STK3: variants seen among roughly 807,000 people sequenced by gnomAD.
STK3 encodes the protein serine/threonine kinase 3.
STK3 carries 41 observed loss-of-function variants against 58.0 expected under a neutral mutation model. The observed-to-expected ratio is 0.71, with a 90% CI of 0.55 to 0.92. STK3 has a LOEUF of 0.92. Ranked by LOEUF, STK3 falls within the 40% of genes least tolerant of loss-of-function variation. The pLI, the probability that STK3 is intolerant of heterozygous loss-of-function variation, is 0.00. For synonymous variants in STK3, 170 were observed against 191.0 expected (o/e 0.89, Z 0.91); for missense variants, 479 against 602.7 (o/e 0.79, Z 2.15).
At chr8:98,828,273 G>A (rs1835386522), upstream of STK3, among the ~76,000 whole-genome samples, 1 of 151,740 alleles carries the variant, frequency 6.6e-6, no homozygotes, top group Admixed American at 6.6e-5. Context: ...ACTATGCCAG[G>A]CTCACTCCCA....
intron 3 of STK3, among the ~76,000 whole-genome samples, chr8:98,839,001 T>C (rs1835859216): frequency 6.6e-6 from 1 of 151,412 alleles, no homozygotes; most frequent in East Asian, 1.9e-4. Flanking sequence ...TGTGTGTGTG[T>C]GTGTGTGTGT....
At chr8:98,694,011 T>C (rs545862871) in intron 6 of STK3, among the ~76,000 whole-genome samples, 1 of 152,344 alleles carries the variant, frequency 6.6e-6, no homozygotes, top group South Asian at 2.1e-4. Context: ...GTGAAAAAAG[T>C]AGTGCCATGG....
Position 98,788,204 on chromosome 8 carries a change from C to T in STK3, c.27-13385G>A, listed in dbSNP as rs576199084. On this transcript the variant is annotated intron_variant, in intron 1 of 10. Transcript: ENST00000419617. ...CGGGGGTAATCTCAATACTGGGAGGCCGAGGCAGGCAGATCACAAGGCCAG... is the reference window on the plus strand; with the variant it reads ...CGGGGGTAATCTCAATACTGGGAGGTCGAGGCAGGCAGATCACAAGGCCAG... Among the ~76,000 whole-genome samples, 3 of 152,084 alleles carry T rather than the reference C, an allele frequency of 2.0e-5. No homozygotes were observed. In the East Asian group the frequency reaches 5.8e-4, roughly 29 times the overall value.
At chr8:98,775,552 A>C (rs1218859737) in intron 1 of STK3, among the ~76,000 whole-genome samples, 1 of 152,190 alleles carries the variant, frequency 6.6e-6, no homozygotes, top group Non-Finnish European at 1.5e-5. Context: ...TGTTGGATAA[A>C]GACAATGTTG....
chr8:98,468,625 A>G (rs543875019), intron 10 of STK3, among the ~76,000 whole-genome samples: 14 of 152,312 alleles, frequency 9.2e-5, no homozygotes, highest in Admixed American at 7.2e-4. Flanking sequence ...AAGGTAAAAG[A>G]AGGTAGAGAA....
intron 3 of STK3, among the ~76,000 whole-genome samples, chr8:98,831,854 T>C (rs1835543483): frequency 6.6e-6 from 1 of 152,236 alleles, no homozygotes; most frequent in Non-Finnish European, 1.5e-5. Flanking sequence ...ATTATTTAAC[T>C]TGTTTCTCAG....
At chr8:98,419,163 C>T (rs1334401287) in intron 3 of STK3, among the ~76,000 whole-genome samples, 2 of 152,156 alleles carry the variant, frequency 1.3e-5, no homozygotes, top group Admixed American at 6.5e-5. Flanking sequence ...GAGTTCGAGA[C>T]CAGCCTGGCC....
At chr8:98,922,629 G>T (rs918087152) in intron 1 of STK3, among the ~76,000 whole-genome samples, 3 of 152,176 alleles carry the variant, frequency 2.0e-5, no homozygotes, top group African/African-American at 7.2e-5. Flanking sequence ...CAAATAAAAA[G>T]GGATTCAGAA....
chr8:98,873,725 C>T (rs1323416124), intron 3 of STK3, among the ~76,000 whole-genome samples: 4 of 151,766 alleles, frequency 2.6e-5, no homozygotes, highest in African/African-American at 9.7e-5. Flanking sequence ...TTATTTTGAG[C>T]CTATGTGGGT....
intron 1 of STK3, among the ~76,000 whole-genome samples, chr8:98,940,752 G>T (rs764333402): frequency 2.0e-5 from 3 of 152,244 alleles, no homozygotes; most frequent in Non-Finnish European, 4.4e-5. Flanking sequence ...GCTGGGGTCA[G>T]AACTGGTATC....
intron 1 of STK3, among the ~76,000 whole-genome samples, chr8:98,942,168 G>A (rs1840458522): frequency 6.6e-6 from 1 of 152,212 alleles, no homozygotes. Flanking sequence ...GGCTGGGTCT[G>A]AGCCTGGAGA....
At position 98,778,433 on chromosome 8, in the gene STK3, G is replaced by A. The variant is rs1379711258; in HGVS notation, c.27-3614C>T. Among the ~76,000 whole-genome samples the A allele has an allele frequency of 8.6e-5, 13 of 152,038 alleles. No homozygotes were observed. In the East Asian group the frequency reaches 2.5e-3, roughly 29 times the overall value. ...AGGAACACTTTTACACTGTTGGTGGGACTGTAAACTAGTTCAACCATTGTG... is the reference window on the plus strand; with the variant it reads ...AGGAACACTTTTACACTGTTGGTGGAACTGTAAACTAGTTCAACCATTGTG... On this transcript the variant is annotated intron_variant, in intron 1 of 10. Transcript: ENST00000419617.
At chr8:98,445,168 G>A (rs969391200) in intron 1 of STK3, among the ~76,000 whole-genome samples, 6 of 151,926 alleles carry the variant, frequency 3.9e-5, no homozygotes, top group African/African-American at 1.2e-4. Context: ...ATCAATTTTA[G>A]AACAATTTCA....
intron 3 of STK3, among the ~76,000 whole-genome samples, chr8:98,422,727 C>A (rs1818188002): frequency 6.6e-6 from 1 of 152,188 alleles, no homozygotes; most frequent in South Asian, 2.1e-4. Flanking sequence ...TGGGTGTCTG[C>A]CAAACCGAGT....
chr8:98,849,954 G>A (rs1413790998), intron 3 of STK3, among the ~76,000 whole-genome samples: 3 of 152,026 alleles, frequency 2.0e-5, no homozygotes, highest in African/African-American at 7.2e-5. Context: ...AAACAGAAAA[G>A]AAACAACTGT....
At chr8:98,787,163 A>C (rs10096736) in intron 1 of STK3, among the ~76,000 whole-genome samples, 13 of 64,874 alleles carry the variant, frequency 2.0e-4, no homozygotes, top group African/African-American at 9.4e-4. Flanking sequence ...GCGAGACTCC[A>C]CCTCAAAAAA....
chr8:98,468,450 T>G (rs892819143), intron 10 of STK3, among the ~76,000 whole-genome samples: 8 of 152,224 alleles, frequency 5.3e-5, no homozygotes, highest in African/African-American at 1.9e-4. Context: ...GATAGGAGGC[T>G]CTTATGAAAA....
chr8:98,818,680 CCTAAA>C (rs1380667587), intron 1 of STK3, among the ~76,000 whole-genome samples: 8 of 151,964 alleles, frequency 5.3e-5, no homozygotes, highest in Middle Eastern at 3.2e-3. Flanking sequence ...AATAATACTA[CCTAAA>C]CTAATTATCA....
intron 10 of STK3, among the ~76,000 whole-genome samples, chr8:98,460,808 C>T (rs1289508086): frequency 6.6e-6 from 1 of 152,218 alleles, no homozygotes; most frequent in African/African-American, 2.4e-5. Flanking sequence ...GCTTCACCTT[C>T]ACCATCTGCC....
Sources: allele counts gnomAD v4.1 joint callset (sites outside exome capture counted in the v4.1 genomes callset), GRCh38; gene constraint gnomAD v4.1.1; transcripts MANE v1.5; gene names NCBI Gene and HGNC (gene_info 2026-07-23, HGNC 2026-07-21).